Variants in PSMB5 observed in about 807,000 individuals in gnomAD.
The protein encoded by PSMB5 is proteasome subunit beta type-5.
PSMB5 carries 2 observed loss-of-function variants against 22.8 expected under a neutral mutation model. The observed-to-expected ratio is 0.09, with a 90% CI of 0.04 to 0.28. The LOEUF is 0.28. Among genes scored for constraint, PSMB5 ranks in the 10% least tolerant of loss-of-function variants. The pLI, the probability that PSMB5 is intolerant of heterozygous loss-of-function variation, is 1.00. For missense variants in PSMB5, 269 were observed against 343.8 expected (o/e 0.78, Z 1.72); for synonymous variants, 133 against 135.3 (o/e 0.98, Z 0.12).
chr14:23,032,744 G>C (rs1281630590), intron 2 of PSMB5, among the ~76,000 whole-genome samples: 1 of 151,122 alleles, frequency 6.6e-6, no homozygotes, highest in African/African-American at 2.4e-5. Flanking sequence ...GACTACAGGC[G>C]CCTGCCACCA....
At chr14:23,035,109 T>G (rs554313708), upstream of PSMB5, 8 of 776,320 alleles carry the variant, frequency 1.0e-5, no homozygotes, top group Admixed American at 2.6e-4. Flanking sequence ...TAAAAGGACG[T>G]ACCTGCCATC....
At chr14:23,027,184 C>T (rs183765990) in intron 2 of PSMB5, among the ~76,000 whole-genome samples, 2 of 151,860 alleles carry the variant, frequency 1.3e-5, no homozygotes, top group Non-Finnish European at 2.9e-5. Context: ...AGATCGAGAT[C>T]ATCCTGGCTA....
intron 1 of PSMB5, chr14:23,034,387 C>T (rs930383625): frequency 2.8e-6 from 1 of 354,812 alleles, no homozygotes; most frequent in South Asian, 3.7e-5. Flanking sequence ...GTTGTTGCGG[C>T]CTTTCCCAGC....
intron 1 of PSMB5, among the ~76,000 whole-genome samples, chr14:23,034,046 C>T (rs537891875): frequency 6.6e-6 from 1 of 150,886 alleles, no homozygotes; most frequent in East Asian, 2.0e-4. Flanking sequence ...TGGTGTGTGC[C>T]TATAGTGTCA....
At position 23,026,513 on chromosome 14, in the gene PSMB5, A is replaced by G. The variant is rs2046914812; in HGVS notation, c.506-138T>C. 24 of 1,221,858 alleles carry G rather than the reference A, an allele frequency of 2.0e-5. 2 individuals are homozygous for G. In the South Asian group the frequency reaches 3.8e-4, roughly 19 times the overall value. 75.7% of individuals were successfully genotyped at this position (1,221,858 alleles called of 1,614,324 possible). A position where few individuals can be genotyped will look rare whatever the true frequency, so the allele number is the denominator to read the frequency against. Reference sequence around the variant, plus strand: ...TGCCCAAGCTAGAGTGCAATGGCGCAATCTCGGCTCACCACAACCTCCGCC... The same window carrying G: ...TGCCCAAGCTAGAGTGCAATGGCGCGATCTCGGCTCACCACAACCTCCGCC... On this transcript the variant is annotated intron_variant, in intron 2 of 2. Coordinates refer to ENST00000361611, the MANE Select transcript of PSMB5 (RefSeq NM_002797.5).
At chr14:23,032,310 G>C (rs1275309398) in intron 2 of PSMB5, among the ~76,000 whole-genome samples, 1 of 152,158 alleles carries the variant, frequency 6.6e-6, no homozygotes. Context: ...TGGGCATGCT[G>C]GTGGGCGCTT....
rs1466102387 is a variant in PSMB5, at chr14:23,026,219, T to C, written c.662A>G (p.Gln221Arg). Reference sequence around the variant, plus strand: ...TGAGTAGGCATCTCTGTAGGTGGCTTGGTAGATGGCTCGACGGGCCAGATC... The same window carrying C: ...TGAGTAGGCATCTCTGTAGGTGGCTCGGTAGATGGCTCGACGGGCCAGATC... ...AYDLARRAIY[Q>R]ATYRDAYSGG... The change falls in exon 3 of 3, where the codon CAA (glutamine) becomes CGA (arginine). Residue 221 changes from glutamine (Q) to arginine (R), a missense_variant. By Grantham distance (43) the Gln-to-Arg change is conservative (BLOSUM62 1). This residue lies in a region of PSMB5 where 113 missense variants were observed against 130.2 expected (regional missense o/e 0.87). Transcript: ENST00000361611. The C allele has an allele frequency of 1.9e-6, 3 of 1,613,930 alleles. No individual in the cohort carries two copies. In the African/African-American group the frequency reaches 4.0e-5, roughly 22 times the overall value.
rs1210192646 is a variant in PSMB5, at chr14:23,025,860, G to A, written c.*229C>T. 1.7e-5 allele frequency: 24 copies of A among 1,389,346 alleles called. No individual in the cohort carries two copies. Among genetic ancestry groups the A allele is most frequent in the Non-Finnish European group, 2.1e-5 (23 of 1,071,302 alleles). The allele number at this position is 1,389,346 out of a possible 1,614,324, so 86.1% of individuals were successfully genotyped here. A position where few individuals can be genotyped will look rare whatever the true frequency, so the allele number is the denominator to read the frequency against. Reference sequence around the variant, plus strand: ...AAGATGCAACACAGGCTGAGATTGAGTAGTGAGTAGTGTAATGTTAACATC... The same window carrying A: ...AAGATGCAACACAGGCTGAGATTGAATAGTGAGTAGTGTAATGTTAACATC... On this transcript the variant is annotated 3_prime_UTR_variant, in exon 3 of 3. Transcript: ENST00000361611.
chr14:23,025,985 A>T lies in PSMB5; in HGVS notation c.*104T>A. On this transcript the variant is annotated 3_prime_UTR_variant, in exon 3 of 3. Coordinates refer to ENST00000361611, the MANE Select transcript of PSMB5 (RefSeq NM_002797.5). ...GAGCTTAAAAAAAAGTACTGATACA[A>T]TTGAAGGCCCTTCCACTATAAATAG... 1 of 1,539,206 alleles carries T rather than the reference A, an allele frequency of 6.5e-7. No homozygotes were observed. The highest frequency in any genetic ancestry group is 1.3e-5 in the South Asian group (1 of 78,162).
chr14:23,030,490 A>AT, intron 2 of PSMB5, among the ~76,000 whole-genome samples: 1 of 151,768 alleles, frequency 6.6e-6, no homozygotes, highest in Admixed American at 6.6e-5. Context: ...CTCCGTCTCA[A>AT]TAAAAAAAAA....
chr14:23,027,343 T>C (rs1441547253), intron 2 of PSMB5, among the ~76,000 whole-genome samples: 1 of 142,730 alleles, frequency 7.0e-6, no homozygotes, highest in Non-Finnish European at 1.5e-5. Flanking sequence ...ATCGCGCCAC[T>C]GCACTCCAGC....
Position 23,034,644 on chromosome 14 carries a change from G to A in PSMB5, c.198+40C>T, listed in dbSNP as rs748171484. 4 of 1,600,598 alleles carry A rather than the reference G, an allele frequency of 2.5e-6. No individual in the cohort carries two copies. The African/African-American group carries it at 5.4e-5, about 21-fold the overall frequency. ...GGCTGGGAGGCCAGGCAAGTCGCGGGCGTTCAGTACTCAGCCTGGCAAGGG... is the reference window on the plus strand; with the variant it reads ...GGCTGGGAGGCCAGGCAAGTCGCGGACGTTCAGTACTCAGCCTGGCAAGGG... On this transcript the variant is annotated intron_variant, in intron 1 of 2. Transcript: ENST00000361611.
rs1230703471 is a variant in PSMB5 at position 23,034,714 on chromosome 14, C to T, written c.168G>A (p.Met56Ile). ...AGGCCAGGGTGGTTGTTCCATGAAG[C>T]ATTTCGATTCCTGGCTCTTCTGGGA... ...WGVPEEPGIEMLHGTTTLAFK... is the reference protein window; with the variant it reads ...WGVPEEPGIEILHGTTTLAFK... Residue 56 changes from methionine to isoleucine, a missense_variant, in exon 1 of 3, where the codon ATG (methionine) becomes ATA (isoleucine). This residue lies in a region of PSMB5 where 75 missense variants were observed against 143.2 expected (regional missense o/e 0.52). Transcript: ENST00000361611. 1 of 1,614,172 alleles carries T rather than the reference C, an allele frequency of 6.2e-7. No homozygotes were observed. The highest frequency in any genetic ancestry group is 1.1e-5 in the South Asian group (1 of 91,084).
At chr14:23,035,131 C>T (rs1342270232), upstream of PSMB5, 1 of 614,184 alleles carries the variant, frequency 1.6e-6, no homozygotes, top group African/African-American at 1.9e-5. Flanking sequence ...TGGCTTTGGT[C>T]ATGCAAGTAG....
intron 2 of PSMB5, chr14:23,027,789 C>T: frequency 6.5e-7 from 1 of 1,548,548 alleles, no homozygotes. Flanking sequence ...AAAACAAGTA[C>T]ATTCCAAATG....
chr14:23,033,870 A>C (rs2046971605), intron 1 of PSMB5, among the ~76,000 whole-genome samples, 196 bp from the exon 2 acceptor site: 1 of 152,218 alleles, frequency 6.6e-6, no homozygotes, highest in Non-Finnish European at 1.5e-5. Context: ...GATATAACCC[A>C]TATTAAATTC....
At position 23,030,153 on chromosome 14, in the gene PSMB5, C is replaced by T. The variant is rs561828808; in HGVS notation, c.505+3215G>A. On this transcript the variant is annotated intron_variant, in intron 2 of 2. Transcript: ENST00000361611. ...TCGGCCTCCCAAAGTGCTGAGATTA[C>T]AGGCATGAGCCACCATGCCCAGCCA... is the stretch of plus-strand genomic sequence containing the variant. Among the ~76,000 whole-genome samples the T allele has an allele frequency of 1.3e-4, 19 of 151,478 alleles. No individual in the cohort carries two copies. In the South Asian group the frequency reaches 4.1e-3, roughly 32 times the overall value.
chr14:23,034,139 A>C (rs895999689), intron 1 of PSMB5, among the ~76,000 whole-genome samples: 2 of 152,108 alleles, frequency 1.3e-5, no homozygotes, highest in Non-Finnish European at 2.9e-5. Context: ...AAAAAAAAAA[A>C]AACAAATCAT....
chr14:23,034,743 C>T lies in PSMB5; in HGVS notation c.139G>A (p.Gly47Ser). 6.2e-7 allele frequency: 1 copy of T among 1,614,176 alleles called. No individual in the cohort carries two copies. Among genetic ancestry groups the T allele is most frequent in the Non-Finnish European group, 8.5e-7 (1 of 1,180,036 alleles). ...TCGATTCCTGGCTCTTCTGGGACAC[C>T]CCAGCCTGGCGCGGCCAGGCTCAGA... ...DGLSLAAPGW[G>S]VPEEPGIEML... Residue 47 changes from glycine to serine, a missense_variant, in exon 1 of 3, where the codon GGT becomes AGT. By Grantham distance (56) the Gly-to-Ser change is moderately conservative. Coordinates refer to ENST00000361611, the MANE Select transcript of PSMB5 (RefSeq NM_002797.5).
Sources: allele counts gnomAD v4.1 joint callset (sites outside exome capture counted in the v4.1 genomes callset), GRCh38; gene constraint gnomAD v4.1.1; regional missense constraint gnomAD v4.1.1; transcripts MANE v1.5; gene names NCBI Gene and HGNC (gene_info 2026-07-23, HGNC 2026-07-21).